Variants in GPR89B observed in about 807,000 individuals in gnomAD.
The protein encoded by GPR89B is G protein-coupled receptor 89B.
GPR89B carries 25 observed loss-of-function variants against 52.4 expected under a neutral mutation model. The observed-to-expected ratio is 0.48, with a 90% CI of 0.35 to 0.67. The LOEUF is 0.67. GPR89B is among the 30% of genes least tolerant of loss of function. The pLI, the probability that GPR89B is intolerant of heterozygous loss-of-function variation, is 0.01. For synonymous variants in GPR89B, 52 were observed against 151.2 expected (o/e 0.34, Z 4.81); for missense variants, 146 against 450.2 (o/e 0.32, Z 6.11).
At chr1:147,968,240 G>A (rs1266881994) in intron 8 of GPR89B, 10,929 of 453,684 alleles carry the variant, frequency 0.024, 200 homozygotes, top group Non-Finnish European at 0.035. Context: ...ATAGTGTAAC[G>A]GAAAGAGCAG....
chr1:147,969,472 A>G (rs1257957595), intron 9 of GPR89B: 4 of 190,794 alleles, frequency 2.1e-5, no homozygotes, highest in Admixed American at 5.3e-5. Context: ...TTTTGAGGAT[A>G]ACTTTACAGG....
the GPR89B span, among the ~76,000 whole-genome samples, chr1:148,008,290 G>A: frequency 3.3e-5 from 5 of 152,294 alleles, no homozygotes; most frequent in Middle Eastern, 3.4e-3. Context: ...ATTAGCACAC[G>A]AGCCAGATGA....
At chr1:148,002,415 CCTT>C in the GPR89B span, among the ~76,000 whole-genome samples, 6 of 152,306 alleles carry the variant, frequency 3.9e-5, no homozygotes, top group African/African-American at 1.2e-4. Context: ...CTTCCCCAGT[CCTT>C]CTGTCTGATA....
At chr1:147,947,982 G>A (rs1268529593) in intron 5 of GPR89B, among the ~76,000 whole-genome samples, 1 of 152,136 alleles carries the variant, frequency 6.6e-6, no homozygotes, top group Non-Finnish European at 1.5e-5. Flanking sequence ...TTAAGCACTG[G>A]AAATAAACCA....
chr1:148,015,700 G>T, the GPR89B span, among the ~76,000 whole-genome samples: 7 of 149,872 alleles, frequency 4.7e-5, no homozygotes, highest in Non-Finnish European at 7.4e-5. Flanking sequence ...AAGTTAAATT[G>T]GTTCTGTGAT....
intron 7 of GPR89B, among the ~76,000 whole-genome samples, chr1:147,962,577 C>T (rs1207406728): frequency 6.6e-6 from 1 of 151,792 alleles, no homozygotes; most frequent in Non-Finnish European, 1.5e-5. Context: ...AAAAATGAAT[C>T]TAAATCTAAG....
At chr1:148,021,255 C>A in the GPR89B span, among the ~76,000 whole-genome samples, 1 of 151,340 alleles carries the variant, frequency 6.6e-6, no homozygotes, top group Non-Finnish European at 1.5e-5. Context: ...GTAATCCCAG[C>A]ACTTTGGGAG....
the GPR89B span, among the ~76,000 whole-genome samples, chr1:148,002,056 T>TTA: frequency 5.3e-5 from 8 of 150,920 alleles, no homozygotes; most frequent in Non-Finnish European, 8.9e-5. Context: ...TTTTTTTTTT[T>TTA]AACAAGTTCC....
At chr1:147,957,978 G>C (rs1485207897) in intron 7 of GPR89B, among the ~76,000 whole-genome samples, 3 of 151,386 alleles carry the variant, frequency 2.0e-5, no homozygotes, top group African/African-American at 7.3e-5. Context: ...GCAGGAGAAC[G>C]GTGTGAACCC....
the GPR89B span, among the ~76,000 whole-genome samples, chr1:148,000,616 C>A: frequency 2.7e-5 from 4 of 149,348 alleles, no homozygotes; most frequent in South Asian, 6.4e-4. Context: ...ATCATATTCC[C>A]CCCTCTGTAC....
the GPR89B span, chr1:148,022,134 T>C: frequency 6.6e-6 from 1 of 151,816 alleles, no homozygotes; most frequent in Admixed American, 6.6e-5. Context: ...ACTGCCTTGG[T>C]CTCTACAGGA....
chr1:147,941,356 T>G (rs1422131480), intron 3 of GPR89B, among the ~76,000 whole-genome samples: 1 of 152,250 alleles, frequency 6.6e-6, no homozygotes, highest in Admixed American at 6.5e-5. Flanking sequence ...GCTGAAATAC[T>G]ATGTAGTATT....
chr1:147,928,655 G>T (rs1653232759), intron 1 of GPR89B, 77 bp downstream of exon 1: 1 of 1,586,180 alleles, frequency 6.3e-7, no homozygotes, highest in Admixed American at 1.7e-5. Context: ...CCGCGGTGCG[G>T]GCTGGTCCGG....
chr1:147,938,918 G>C (rs1654326322), intron 3 of GPR89B, 101 bp downstream of exon 3: 1 of 1,531,384 alleles, frequency 6.5e-7, no homozygotes, highest in South Asian at 1.2e-5. Flanking sequence ...AAAAAACACT[G>C]TGTTAATAGT....
the GPR89B span, among the ~76,000 whole-genome samples, chr1:148,006,703 G>A: frequency 6.6e-6 from 1 of 150,992 alleles, no homozygotes. Flanking sequence ...TCACTTAATA[G>A]AAGCACTTTA....
the GPR89B span, among the ~76,000 whole-genome samples, chr1:148,021,443 A>C: frequency 6.6e-6 from 1 of 152,026 alleles, no homozygotes; most frequent in African/African-American, 2.4e-5. Flanking sequence ...CGGAGCTTGC[A>C]GTGAGCCGAG....
intron 3 of GPR89B, among the ~76,000 whole-genome samples, chr1:147,939,849 A>T (rs1654398258): frequency 6.6e-6 from 1 of 151,338 alleles, no homozygotes; most frequent in Non-Finnish European, 1.5e-5. Flanking sequence ...AAATAAAAAA[A>T]ATCAGCAGAG....
intron 12 of GPR89B, among the ~76,000 whole-genome samples, chr1:147,990,814 GT>G (rs1659010849): frequency 6.6e-6 from 1 of 151,046 alleles, no homozygotes; most frequent in South Asian, 2.1e-4. Flanking sequence ...CTGTATCTCT[GT>G]TTTGGTACCA....
chr1:147,979,748 A>G (rs1399492366), intron 10 of GPR89B, among the ~76,000 whole-genome samples: 2 of 151,958 alleles, frequency 1.3e-5, no homozygotes, highest in African/African-American at 4.9e-5. Context: ...ATGGTGAATT[A>G]TCATTTTTCT....
Sources: allele counts gnomAD v4.1 joint callset (sites outside exome capture counted in the v4.1 genomes callset), GRCh38; gene constraint gnomAD v4.1.1; transcripts MANE v1.5; gene names NCBI Gene and HGNC (gene_info 2026-07-23, HGNC 2026-07-21).